CLTC: variants seen among roughly 807,000 people sequenced by gnomAD.
CLTC encodes clathrin heavy chain 1.
Under a neutral mutation model 195.8 loss-of-function variants are expected in CLTC, and 16 were observed. That is an observed-to-expected ratio of 0.08 (90% confidence interval 0.06 to 0.12). The LOEUF is 0.12. Ranked by LOEUF, CLTC falls within the 10% of genes least tolerant of loss-of-function variation. The pLI is 1.00. For missense variants in CLTC, 796 were observed against 2,027.0 expected, an observed-to-expected ratio of 0.39 and a Z score of 11.66; for synonymous variants, 667 against 689.4, an observed-to-expected ratio of 0.97 and a Z score of 0.51.
At chr17:59,623,970 A>T (rs2031464357) in intron 1 of CLTC, among the ~76,000 whole-genome samples, 1 of 152,250 alleles carries the variant, frequency 6.6e-6, no homozygotes, top group Non-Finnish European at 1.5e-5. Flanking sequence ...GATTTATCTC[A>T]CCACTCATGT....
rs565833209 is a variant in CLTC, at chr17:59,666,113, T to C, written c.1655T>C (p.Val552Ala). Residue 552 changes from valine to alanine, a missense_variant, in exon 11 of 32, where the codon GTC (valine) becomes GCC (alanine). This residue lies in a region of CLTC where 293 missense variants were observed against 795.6 expected (regional missense o/e 0.37). Transcript: ENST00000269122. This position sits in a 1 kb window ranked among gnomAD's most constrained non-coding sequence, Gnocchi z 4.9. The stretch of plus-strand genomic sequence containing the variant: ...AATCTTTTTTTGTAGATTGTAGATG[T>C]CTTTATGGAATACAATCTAATTCAG... ...PLADITQIVD[V>A]FMEYNLIQQC... is the part of the protein sequence containing the mutation. The C allele has an allele frequency of 1.9e-6, 3 of 1,605,778 alleles. No homozygotes were observed. Among genetic ancestry groups the C allele is most frequent in the African/African-American group, 2.7e-5 (2 of 74,930 alleles).
rs543255468 is a variant in CLTC at position 59,629,872 on chromosome 17, G to A, written c.42+9699G>A. 7.2e-4 allele frequency among the ~76,000 whole-genome samples: 110 copies of A among 151,966 alleles called. 2 individuals carry two copies. The highest frequency in any genetic ancestry group is 2.4e-4 in the Non-Finnish European group (16 of 67,962). On this transcript the variant is annotated intron_variant, in intron 1 of 31. Transcript: ENST00000269122. ...AGAGAAAAACAACTCTCCTGATAAC[G>A]CAAATAGATTTGATGTTACAAAACT...
Position 59,682,168 on chromosome 17 carries a change from C to A in CLTC, c.3443-103C>A. The A allele has an allele frequency of 9.3e-7, 1 of 1,075,226 alleles. No homozygotes were observed. Among genetic ancestry groups the A allele is most frequent in the Non-Finnish European group, 1.4e-6 (1 of 735,972 alleles). 66.6% of individuals were successfully genotyped at this position (1,075,226 alleles called of 1,614,324 possible). On this transcript the variant is annotated intron_variant, in intron 21 of 31. Coordinates refer to ENST00000269122, the MANE Select transcript of CLTC (RefSeq NM_004859.4). This position sits in a 1 kb window ranked among gnomAD's most constrained non-coding sequence, Gnocchi z 6.8. ...TGCACGGTTTACATTTGTCATTATC[C>A]ATGTTTCCTTGAAAAGGAAATGAAT...
At chr17:59,641,469 C>T (rs141473612) in intron 1 of CLTC, among the ~76,000 whole-genome samples, 24 of 149,952 alleles carry the variant, frequency 1.6e-4, no homozygotes, top group African/African-American at 4.9e-4. Context: ...GGCATGTTGG[C>T]GCACTCCTGT....
At chr17:59,646,091 C>A in intron 2 of CLTC, 1 of 504,296 alleles carries the variant, frequency 2.0e-6, no homozygotes. Flanking sequence ...AAAAGATTTT[C>A]GGAGCATTGT....
At chr17:59,623,990 T>C (rs2031465052) in intron 1 of CLTC, among the ~76,000 whole-genome samples, 1 of 152,252 alleles carries the variant, frequency 6.6e-6, no homozygotes, top group Non-Finnish European at 1.5e-5. Context: ...TTTATGTATT[T>C]AGAATATTTC....
intron 15 of CLTC, among the ~76,000 whole-genome samples, chr17:59,674,205 G>C (rs779456801): frequency 6.6e-6 from 1 of 151,950 alleles, no homozygotes; most frequent in African/African-American, 2.4e-5. Context: ...TGCTATTATT[G>C]AAAAAGTTGG....
intron 9 of CLTC, chr17:59,664,550 CA>C (rs57413220): frequency 0.46 from 101,932 of 222,770 alleles, 18,067 homozygotes; most frequent in Non-Finnish European, 0.53. Flanking sequence ...GACCCTGTCT[CA>C]AAAAAAAAAA....
intron 10 of CLTC, among the ~76,000 whole-genome samples, 195 bp downstream of exon 10, chr17:59,665,104 C>T (rs1281206205): frequency 2.0e-5 from 3 of 151,838 alleles, no homozygotes; most frequent in African/African-American, 4.8e-5. Flanking sequence ...ACATGCCTGT[C>T]GCCCCAGCTA....
chr17:59,677,660 C>G (rs1435914127), intron 17 of CLTC, among the ~76,000 whole-genome samples: 1 of 152,108 alleles, frequency 6.6e-6, no homozygotes, highest in African/African-American at 2.4e-5. Context: ...TGTCAGTTAC[C>G]CAATGATGTC....
chr17:59,637,193 G>T (rs2031888881), intron 1 of CLTC, among the ~76,000 whole-genome samples: 1 of 151,934 alleles, frequency 6.6e-6, no homozygotes, highest in Non-Finnish European at 1.5e-5. Context: ...ATGTTGTTTG[G>T]TTTAAATCAG....
chr17:59,660,339 A>G, intron 6 of CLTC, 52 bp from the exon 7 acceptor site: 1 of 1,506,782 alleles, frequency 6.6e-7, no homozygotes, highest in East Asian at 2.3e-5. Flanking sequence ...ATTTGGTATC[A>G]TTTGTATCCA....
rs2033386145 is a variant in CLTC, at chr17:59,694,871, G to A, written c.*1019G>A. ...AGGCATTAGGGAGGCATGAAAGGAA[G>A]AGGAATGAGGATTGAGACATGTGAA... On this transcript the variant is annotated 3_prime_UTR_variant, in exon 32 of 32. Coordinates refer to ENST00000269122, the MANE Select transcript of CLTC (RefSeq NM_004859.4). 4.4e-6 allele frequency: 1 copy of A among 225,692 alleles called. No individual in the cohort carries two copies. Among genetic ancestry groups the A allele is most frequent in the Non-Finnish European group, 8.8e-6 (1 of 113,262 alleles). 14.0% of individuals were successfully genotyped at this position (225,692 alleles called of 1,614,324 possible).
intron 7 of CLTC, among the ~76,000 whole-genome samples, chr17:59,661,084 T>G (rs1006365001): frequency 6.6e-6 from 1 of 152,220 alleles, no homozygotes; most frequent in African/African-American, 2.4e-5. Flanking sequence ...AATATGAACT[T>G]GGGATAATAC....
At chr17:59,656,666 A>ATTTTTTTTTTTTTTTTTTTTTTTTTTT (rs55669818) in intron 6 of CLTC, among the ~76,000 whole-genome samples, 3 of 96,200 alleles carry the variant, frequency 3.1e-5, no homozygotes, top group African/African-American at 6.9e-5. Context: ...TATTATTTTA[A>ATTTTTTTTTTTTTTTTTTTTTTTTTTT]TTTTTTTTTT....
At chr17:59,671,683 CT>C (rs1298249499) in intron 14 of CLTC, among the ~76,000 whole-genome samples, 1 of 152,134 alleles carries the variant, frequency 6.6e-6, no homozygotes, top group East Asian at 1.9e-4. Flanking sequence ...TTCTACCTTT[CT>C]TTTTTTCTTT....
At chr17:59,690,922 A>C (rs1485201546) in intron 31 of CLTC, 2 of 422,986 alleles carry the variant, frequency 4.7e-6, no homozygotes, top group Admixed American at 4.3e-5. Context: ...AAAACTCAAA[A>C]ATAGTCATTT....
chr17:59,691,574 A>G (rs1192809335), intron 31 of CLTC, among the ~76,000 whole-genome samples: 3 of 151,280 alleles, frequency 2.0e-5, no homozygotes, highest in Non-Finnish European at 4.4e-5. Context: ...CAGTGAGCCG[A>G]GGTCGTGCCA....
intron 1 of CLTC, among the ~76,000 whole-genome samples, chr17:59,624,567 C>G (rs535530132): frequency 5.5e-5 from 8 of 145,388 alleles, no homozygotes; most frequent in Non-Finnish European, 1.5e-5. Context: ...CTGCCAGGTT[C>G]AAGTGATTCT....
Sources: allele counts gnomAD v4.1 joint callset (sites outside exome capture counted in the v4.1 genomes callset), GRCh38; gene constraint gnomAD v4.1.1; regional missense constraint gnomAD v4.1.1; non-coding constraint Gnocchi (gnomAD v3.1); transcripts MANE v1.5; gene names NCBI Gene and HGNC (gene_info 2026-07-23, HGNC 2026-07-21).